The following RABGAP1L variants were observed in gnomAD, a reference collection of about 807,000 sequenced individuals.
RABGAP1L encodes the protein RAB GTPase activating protein 1 like.
Under a neutral mutation model 137.7 loss-of-function variants are expected in RABGAP1L, and 63 were observed. The observed-to-expected ratio is 0.46, with a 90% CI of 0.37 to 0.56. The LOEUF is 0.56. Ranked by LOEUF, RABGAP1L falls within the 20% of genes least tolerant of loss-of-function variation. The probability of loss-of-function intolerance (pLI) is 0.00; values close to 1 mark genes in which losing one functional copy is unlikely to be tolerated. For missense variants in RABGAP1L, 1,095 were observed against 1,244.0 expected (o/e 0.88, Z 1.80); for synonymous variants, 431 against 433.7 (o/e 0.99, Z 0.08).
intron 13 of RABGAP1L, among the ~76,000 whole-genome samples, chr1:174,396,347 A>C (rs1165621273): frequency 1.3e-5 from 2 of 152,166 alleles, no homozygotes; most frequent in African/African-American, 2.4e-5. Context: ...AAAATTTCAC[A>C]CACACAAAAA....
chr1:174,761,631 A>C lies in RABGAP1L; in HGVS notation c.2211+9277A>C, dbSNP rs1416237653. Reference sequence around the variant, plus strand: ...GAGGCACTCCTCACTTCCCAGACGGAGACAGTGTGGGGGCCGGACAAGGGC... The same window carrying C: ...GAGGCACTCCTCACTTCCCAGACGGCGACAGTGTGGGGGCCGGACAAGGGC... On this transcript the variant is annotated intron_variant, in intron 18 of 25. Coordinates refer to ENST00000681986, the MANE Select transcript of RABGAP1L (RefSeq NM_001366446.1). The surrounding 1 kb of genome is among the most constrained non-coding windows in gnomAD (Gnocchi z 4.0). Among the ~76,000 whole-genome samples, 1 of 152,066 alleles carries C rather than the reference A, an allele frequency of 6.6e-6. No individual in the cohort carries two copies. The highest frequency in any genetic ancestry group is 2.4e-5 in the African/African-American group (1 of 41,406).
At chr1:174,540,669 C>T (rs1272450107) in intron 13 of RABGAP1L, among the ~76,000 whole-genome samples, 1 of 150,794 alleles carries the variant, frequency 6.6e-6, no homozygotes, top group Non-Finnish European at 1.5e-5. Context: ...GTTTTGGTAC[C>T]AGTACCATGC....
chr1:174,211,410 T>G (rs560195153), intron 1 of RABGAP1L, among the ~76,000 whole-genome samples: 1 of 152,308 alleles, frequency 6.6e-6, no homozygotes, highest in East Asian at 1.9e-4. Flanking sequence ...TGCAAAGTGT[T>G]GTTATCAGCT....
chr1:174,576,656 T>G (rs1668395977), intron 13 of RABGAP1L, among the ~76,000 whole-genome samples: 1 of 152,220 alleles, frequency 6.6e-6, no homozygotes, highest in Admixed American at 6.5e-5. Flanking sequence ...CCTATTTATT[T>G]ATGCTGTTTA....
intron 13 of RABGAP1L, among the ~76,000 whole-genome samples, chr1:174,436,935 C>A (rs1023523072): frequency 8.5e-5 from 13 of 152,230 alleles, no homozygotes; most frequent in Admixed American, 6.5e-5. Context: ...CTGCAGCCAC[C>A]GCTGCTGATA....
intron 12 of RABGAP1L, among the ~76,000 whole-genome samples, chr1:174,379,265 T>C (rs1004784124): frequency 8.7e-5 from 13 of 149,298 alleles, no homozygotes; most frequent in Admixed American, 5.3e-4. Flanking sequence ...GACTTGGCGA[T>C]GCGGGCTGTT....
intron 18 of RABGAP1L, among the ~76,000 whole-genome samples, chr1:174,808,654 C>T (rs2148848640): frequency 6.7e-6 from 1 of 149,784 alleles, no homozygotes; most frequent in East Asian, 2.0e-4. Flanking sequence ...GTTTTTCTTT[C>T]TTTCTTTTTT....
intron 17 of RABGAP1L, among the ~76,000 whole-genome samples, chr1:174,726,244 CT>C (rs545780471): frequency 3.8e-4 from 58 of 151,906 alleles, no homozygotes; most frequent in African/African-American, 1.3e-3. Flanking sequence ...CATATTGTGA[CT>C]TTTGGGCTAA....
chr1:174,944,961 A>G (rs1042231902), intron 19 of RABGAP1L, among the ~76,000 whole-genome samples: 15 of 152,218 alleles, frequency 9.9e-5, no homozygotes, highest in Admixed American at 9.2e-4. Flanking sequence ...GCCAGCGACA[A>G]TTGACATAAA....
intron 13 of RABGAP1L, among the ~76,000 whole-genome samples, chr1:174,472,948 C>T (rs1658105272): frequency 6.6e-6 from 1 of 152,098 alleles, no homozygotes; most frequent in Non-Finnish European, 1.5e-5. Context: ...GTTTTTTGCA[C>T]AGTAATATTT....
At chr1:174,520,591 A>T (rs1326525082) in intron 13 of RABGAP1L, among the ~76,000 whole-genome samples, 3 of 152,216 alleles carry the variant, frequency 2.0e-5, no homozygotes, top group Non-Finnish European at 4.4e-5. Context: ...CATTGTTTGA[A>T]ACTCCAGTAA....
chr1:174,294,713 G>A (rs777819557), intron 10 of RABGAP1L, among the ~76,000 whole-genome samples: 1 of 152,142 alleles, frequency 6.6e-6, no homozygotes, highest in Admixed American at 6.5e-5. Flanking sequence ...TGGCAGTGAG[G>A]ATGGTGGAAA....
chr1:174,386,493 T>G (rs867097067), intron 12 of RABGAP1L, among the ~76,000 whole-genome samples: 1 of 150,858 alleles, frequency 6.6e-6, no homozygotes, highest in Non-Finnish European at 1.5e-5. Flanking sequence ...GTGTGTGTGT[T>G]TGTGTGTGTT....
At chr1:174,169,162 C>T (rs964411107) in intron 1 of RABGAP1L, among the ~76,000 whole-genome samples, 4 of 152,104 alleles carry the variant, frequency 2.6e-5, no homozygotes, top group Non-Finnish European at 5.9e-5. Flanking sequence ...ACAGGTTTCT[C>T]CTGTTGCAGT....
intron 17 of RABGAP1L, among the ~76,000 whole-genome samples, chr1:174,711,482 G>A (rs1049197571): frequency 1.2e-4 from 18 of 152,086 alleles, no homozygotes; most frequent in African/African-American, 3.9e-4. Flanking sequence ...GGCGGACCCC[G>A]CACTCGGAGC....
At chr1:174,724,421 A>G (rs1348924155) in intron 17 of RABGAP1L, among the ~76,000 whole-genome samples, 2 of 152,216 alleles carry the variant, frequency 1.3e-5, no homozygotes, top group African/African-American at 4.8e-5. Flanking sequence ...TATGAGACAG[A>G]CTAGTACTTA....
chr1:174,234,539 C>T (rs1404561074), intron 4 of RABGAP1L, among the ~76,000 whole-genome samples: 1 of 148,080 alleles, frequency 6.8e-6, no homozygotes, highest in East Asian at 1.9e-4. Flanking sequence ...TTCCCCATTG[C>T]TTCTTTTTCT....
chr1:174,962,318 T>TG (rs1669224824), intron 20 of RABGAP1L, among the ~76,000 whole-genome samples: 1 of 151,488 alleles, frequency 6.6e-6, no homozygotes, highest in Non-Finnish European at 1.5e-5. Context: ...TAAACTCTCT[T>TG]GGGTTTGGGA....
intron 13 of RABGAP1L, among the ~76,000 whole-genome samples, chr1:174,540,923 C>T (rs1021175864): frequency 3.3e-5 from 5 of 152,148 alleles, no homozygotes; most frequent in South Asian, 2.1e-4. Context: ...TTCCTATCCA[C>T]GAGCATGGGA....
Sources: allele counts gnomAD v4.1 joint callset (sites outside exome capture counted in the v4.1 genomes callset), GRCh38; gene constraint gnomAD v4.1.1; non-coding constraint Gnocchi (gnomAD v3.1); transcripts MANE v1.5; gene names NCBI Gene and HGNC (gene_info 2026-07-23, HGNC 2026-07-21).